The following RXFP1 variants were observed in gnomAD, a reference collection of about 807,000 sequenced individuals.
RXFP1 encodes the protein relaxin family peptide receptor 1.
Under a neutral mutation model 89.8 loss-of-function variants are expected in RXFP1, and 73 were observed. That is an observed-to-expected ratio of 0.81 (90% CI 0.67 to 0.99). RXFP1 has a LOEUF of 0.99. RXFP1 is among the 50% of genes least tolerant of loss of function. The probability of loss-of-function intolerance (pLI) is 0.00; values close to 1 mark genes in which losing one functional copy is unlikely to be tolerated. For synonymous variants in RXFP1, 277 were observed against 305.5 expected (o/e 0.91, Z 0.97); for missense variants, 793 against 895.5 (o/e 0.89, Z 1.46).
chr4:158,610,814 G>A (rs929467526), intron 6 of RXFP1: 3 of 778,116 alleles, frequency 3.9e-6, no homozygotes, highest in African/African-American at 3.6e-5. Context: ...GTTTGCAAAG[G>A]AGGGAAGGAA....
intron 3 of RXFP1, among the ~76,000 whole-genome samples, chr4:158,595,583 G>A (rs1398522095): frequency 6.6e-6 from 1 of 152,018 alleles, no homozygotes; most frequent in African/African-American, 2.4e-5. Flanking sequence ...TTTTTCTCTT[G>A]CAAAAATTAT....
chr4:158,586,956 A>C (rs1758414387), intron 2 of RXFP1, among the ~76,000 whole-genome samples: 1 of 152,286 alleles, frequency 6.6e-6, no homozygotes, highest in African/African-American at 2.4e-5. Flanking sequence ...TAAATACAGG[A>C]TCTGCTAAAG....
chr4:158,542,109 A>ATATATATATATATATTTT lies in RXFP1; in HGVS notation c.49+20085_49+20086insATATATATATATATTTTT. On this transcript the variant is annotated intron_variant, in intron 1 of 17. Transcript: ENST00000307765. ...TATATATATATATATATATATATATATTTTTTTTTTAGTAGAGACAGGGTT... is the reference window on the plus strand; with the variant it reads ...TATATATATATATATATATATATATATATATATATATATATTTTTTTTTTTTTTAGTAGAGACAGGGTT... Among the ~76,000 whole-genome samples, 60 of 35,190 alleles carry ATATATATATATATATTTT rather than the reference A, an allele frequency of 1.7e-3. 2 individuals are homozygous for ATATATATATATATATTTT. The highest frequency in any genetic ancestry group is 2.7e-3 in the Non-Finnish European group (48 of 17,974). The allele number at this position is 35,190 out of a possible 152,430, so 23.1% of individuals were successfully genotyped here. A position where few individuals can be genotyped will look rare whatever the true frequency, so the allele number is the denominator to read the frequency against.
chr4:158,534,538 C>T (rs1368605051), intron 1 of RXFP1, among the ~76,000 whole-genome samples: 3 of 152,080 alleles, frequency 2.0e-5, no homozygotes, highest in African/African-American at 7.2e-5. Flanking sequence ...TGAGCCACCG[C>T]GCCCGGCCTT....
chr4:158,626,195 T>C (rs757885755), intron 9 of RXFP1, among the ~76,000 whole-genome samples: 2 of 147,300 alleles, frequency 1.4e-5, no homozygotes, highest in Non-Finnish European at 3.0e-5. Context: ...TAGAGATATA[T>C]GCAGCTCTCT....
intron 2 of RXFP1, among the ~76,000 whole-genome samples, chr4:158,587,199 A>C (rs1758462314): frequency 6.6e-6 from 1 of 152,202 alleles, no homozygotes. Context: ...AAGCCTTCAA[A>C]CCTTCACAAG....
intron 1 of RXFP1, among the ~76,000 whole-genome samples, chr4:158,558,086 A>G (rs985833924): frequency 6.6e-5 from 10 of 152,230 alleles, no homozygotes; most frequent in Non-Finnish European, 4.4e-5. Context: ...CCTGCATTAC[A>G]TACCATTTTG....
intron 16 of RXFP1, 67 bp from the exon 17 acceptor site, chr4:158,648,432 A>G: frequency 1.1e-6 from 1 of 950,660 alleles, no homozygotes; most frequent in Non-Finnish European, 1.5e-6. Context: ...AAAATGTTTT[A>G]TTTATGTTTG....
intron 1 of RXFP1, among the ~76,000 whole-genome samples, chr4:158,566,906 C>T (rs1753685828): frequency 1.3e-5 from 2 of 152,206 alleles, no homozygotes. Context: ...CTGGCCAAGG[C>T]CAGAGCCGGC....
At chr4:158,528,980 C>T (rs929595681) in intron 1 of RXFP1, among the ~76,000 whole-genome samples, 2 of 152,196 alleles carry the variant, frequency 1.3e-5, no homozygotes, top group African/African-American at 4.8e-5. Context: ...AGGCCCTGGT[C>T]GTAGGGAGTC....
chr4:158,581,437 T>C (rs1354234401), intron 2 of RXFP1, among the ~76,000 whole-genome samples: 1 of 152,236 alleles, frequency 6.6e-6, no homozygotes, highest in Non-Finnish European at 1.5e-5. Context: ...CATTGTGTAG[T>C]AGGGCCTTCA....
chr4:158,600,248 G>A (rs1048660387), intron 4 of RXFP1, among the ~76,000 whole-genome samples: 3 of 152,186 alleles, frequency 2.0e-5, no homozygotes, highest in South Asian at 2.1e-4. Flanking sequence ...ATATTGACAA[G>A]TGTTACCGTT....
chr4:158,618,735 C>G (rs923111471), intron 9 of RXFP1, among the ~76,000 whole-genome samples: 3 of 151,990 alleles, frequency 2.0e-5, no homozygotes, highest in African/African-American at 4.8e-5. Context: ...ACTAAAGAGA[C>G]AGATGACAGC....
At chr4:158,544,112 T>A (rs1747568570) in intron 1 of RXFP1, 1 of 980,686 alleles carries the variant, frequency 1.0e-6, no homozygotes, top group South Asian at 4.7e-5. Flanking sequence ...TTTATTTTTT[T>A]AATTTACTTC....
intron 12 of RXFP1, among the ~76,000 whole-genome samples, chr4:158,636,399 G>T (rs941306777): frequency 6.6e-6 from 1 of 152,010 alleles, no homozygotes; most frequent in African/African-American, 2.4e-5. Context: ...TAGGCAAAAT[G>T]TGAAGTAGAT....
intron 1 of RXFP1, among the ~76,000 whole-genome samples, chr4:158,532,753 G>T (rs776248047): frequency 1.3e-5 from 2 of 152,150 alleles, no homozygotes; most frequent in Non-Finnish European, 2.9e-5. Context: ...AAGCCCTCAA[G>T]TGTCCTTCCT....
At chr4:158,626,920 A>T in intron 10 of RXFP1, 29 bp downstream of exon 10, 1 of 1,165,712 alleles carries the variant, frequency 8.6e-7, no homozygotes, top group Non-Finnish European at 1.2e-6. Flanking sequence ...TTTTGAAGTA[A>T]TATTATCTTT....
intron 2 of RXFP1, among the ~76,000 whole-genome samples, chr4:158,575,856 A>G (rs1396712121): frequency 6.6e-6 from 1 of 152,254 alleles, no homozygotes; most frequent in Non-Finnish European, 1.5e-5. Context: ...TAATTATATT[A>G]CAAACATAGT....
chr4:158,625,023 GTAAC>G (rs1418943978), intron 9 of RXFP1, among the ~76,000 whole-genome samples: 2 of 152,020 alleles, frequency 1.3e-5, no homozygotes, highest in African/African-American at 4.8e-5. Flanking sequence ...AGTTACGTAA[GTAAC>G]TAAATAGGAA....
Sources: allele counts gnomAD v4.1 joint callset (sites outside exome capture counted in the v4.1 genomes callset), GRCh38; gene constraint gnomAD v4.1.1; transcripts MANE v1.5; gene names NCBI Gene and HGNC (gene_info 2026-07-23, HGNC 2026-07-21).